The following IBTK variants were observed in gnomAD, a reference collection of about 807,000 sequenced individuals.
IBTK encodes the protein inhibitor of Bruton tyrosine kinase, also known as BTK-binding protein.
IBTK carries 83 observed loss-of-function variants against 154.9 expected under a neutral mutation model. The observed-to-expected ratio is 0.54, with a 90% CI of 0.45 to 0.64. The LOEUF is 0.64. IBTK is among the 30% of genes least tolerant of loss of function. The pLI, the probability that IBTK is intolerant of heterozygous loss-of-function variation, is 0.00. For missense variants in IBTK, 1,332 were observed against 1,584.6 expected (o/e 0.84, Z 2.71); for synonymous variants, 515 against 536.1 (o/e 0.96, Z 0.54).
intron 1 of IBTK, among the ~76,000 whole-genome samples, chr6:82,245,394 C>CA (rs879325393): frequency 1.5e-4 from 23 of 150,260 alleles, no homozygotes; most frequent in South Asian, 6.3e-4. Context: ...GCCATCGCTA[C>CA]AAAAAAAAAT....
At chr6:82,221,441 T>A (rs1770098640) in intron 8 of IBTK, among the ~76,000 whole-genome samples, 1 of 152,182 alleles carries the variant, frequency 6.6e-6, no homozygotes. Flanking sequence ...ATGCTTAATT[T>A]AAAAAATGGC....
At chr6:82,178,065 AC>A (rs1218343137) in intron 26 of IBTK, among the ~76,000 whole-genome samples, 1 of 152,206 alleles carries the variant, frequency 6.6e-6, no homozygotes, top group Non-Finnish European at 1.5e-5. Flanking sequence ...AAAAAAGCAT[AC>A]TTATTATGTT....
At chr6:82,173,248 C>T (rs961702121) in intron 27 of IBTK, 119 bp downstream of exon 27, 39 of 628,342 alleles carry the variant, frequency 6.2e-5, no homozygotes, top group Non-Finnish European at 8.2e-5. Context: ...ATGATCCACC[C>T]GCCTCAGTCT....
At chr6:82,203,589 A>G (rs1769292041) in intron 17 of IBTK, among the ~76,000 whole-genome samples, 1 of 152,158 alleles carries the variant, frequency 6.6e-6, no homozygotes, top group East Asian at 1.9e-4. Context: ...AGAGTTGTTC[A>G]CATGGGAACA....
At chr6:82,181,319 T>G (rs1026646133) in intron 26 of IBTK, among the ~76,000 whole-genome samples, 1 of 152,204 alleles carries the variant, frequency 6.6e-6, no homozygotes, top group Non-Finnish European at 1.5e-5. Flanking sequence ...CACATTGATG[T>G]GGTATACCCA....
At position 82,216,101 on chromosome 6, in the gene IBTK, T is replaced by C. The variant is rs1562094729; in HGVS notation, c.1576A>G (p.Ile526Val). Reference sequence around the variant, plus strand: ...CTTGTTTTAGGATCTGACTGCAGGATTGCAAAGTTGCATCCACTTGGATCT... The same window carrying C: ...CTTGTTTTAGGATCTGACTGCAGGACTGCAAAGTTGCATCCACTTGGATCT... ...STDPSGCNFA[I>V]LQSDPKTSLY... Residue 526 changes from isoleucine (I) to valine (V), a missense_variant, in exon 11 of 29, where the codon ATC becomes GTC. Ile to Val is a conservative substitution (Grantham distance 29). Around this residue, in one of 3 missense-constraint regions of IBTK, gnomAD observed 1,134 missense variants for 1,274.7 expected, o/e 0.89. Coordinates refer to ENST00000306270, the MANE Select transcript of IBTK (RefSeq NM_015525.4). 17 of 1,609,956 alleles carry C rather than the reference T, an allele frequency of 1.1e-5. No homozygotes were observed. The highest frequency in any genetic ancestry group is 1.4e-5 in the Non-Finnish European group (17 of 1,179,060).
At chr6:82,173,265 G>T in intron 27 of IBTK, 102 bp downstream of exon 27, 1 of 763,336 alleles carries the variant, frequency 1.3e-6, no homozygotes, top group Non-Finnish European at 2.2e-6. Context: ...GTCTCCCAGA[G>T]TGCTGGGATT....
rs1195554078 is a variant in IBTK, at chr6:82,245,177, C to T, written c.-358+2385G>A. On this transcript the variant is annotated intron_variant, in intron 1 of 28. Coordinates refer to ENST00000306270, the MANE Select transcript of IBTK (RefSeq NM_015525.4). ...TTATAAACCTATGGTCAAGATAAAA[C>T]AAGTGACACATAGGAACGGGGAGTG... 8.5e-5 allele frequency among the ~76,000 whole-genome samples: 13 copies of T among 152,178 alleles called. No individual in the cohort carries two copies. The East Asian group carries it at 1.5e-3, about 18-fold the overall frequency.
chr6:82,220,359 A>G (rs1400259160), intron 9 of IBTK, among the ~76,000 whole-genome samples: 2 of 152,204 alleles, frequency 1.3e-5, no homozygotes, highest in African/African-American at 4.8e-5. Flanking sequence ...CAGTTTAACA[A>G]ATCAGTATTG....
At chr6:82,244,293 A>T (rs1771062769) in intron 1 of IBTK, among the ~76,000 whole-genome samples, 1 of 152,242 alleles carries the variant, frequency 6.6e-6, no homozygotes, top group Non-Finnish European at 1.5e-5. Context: ...ACTTGTTACC[A>T]CTTCTCCAAA....
chr6:82,179,235 CAA>C (rs1768225594), intron 26 of IBTK, among the ~76,000 whole-genome samples: 1 of 152,072 alleles, frequency 6.6e-6, no homozygotes, highest in Non-Finnish European at 1.5e-5. Flanking sequence ...ATGGAAGTGC[CAA>C]AGACACAAAT....
At chr6:82,208,284 T>TA (rs1301266641) in intron 16 of IBTK, among the ~76,000 whole-genome samples, 1 of 152,034 alleles carries the variant, frequency 6.6e-6, no homozygotes, top group Admixed American at 6.5e-5. Context: ...ACTTGTTAAT[T>TA]ACACCTTAAT....
chr6:82,239,581 A>G (rs1166922937), intron 2 of IBTK, among the ~76,000 whole-genome samples: 1 of 141,474 alleles, frequency 7.1e-6, no homozygotes, highest in Admixed American at 7.1e-5. Context: ...CTTTAAGTTT[A>G]TCCATAAGTA....
intron 9 of IBTK, among the ~76,000 whole-genome samples, chr6:82,219,248 A>T (rs1361800809): frequency 1.3e-5 from 2 of 152,126 alleles, no homozygotes; most frequent in African/African-American, 4.8e-5. Flanking sequence ...CCCACCATCC[A>T]ACAGCTATTC....
chr6:82,186,332 G>T (rs1000967589), intron 25 of IBTK, among the ~76,000 whole-genome samples: 20 of 152,162 alleles, frequency 1.3e-4, no homozygotes. Flanking sequence ...TAAGCTTAGT[G>T]ACGAAAGCAC....
intron 25 of IBTK, among the ~76,000 whole-genome samples, chr6:82,185,676 A>G (rs2127800696): frequency 6.6e-6 from 1 of 152,086 alleles, no homozygotes; most frequent in South Asian, 2.1e-4. Context: ...CAAGTGATAT[A>G]CTGAATTATG....
At chr6:82,236,721 T>C (rs1421162264) in intron 2 of IBTK, among the ~76,000 whole-genome samples, 1 of 152,208 alleles carries the variant, frequency 6.6e-6, no homozygotes, top group Non-Finnish European at 1.5e-5. Context: ...ATGTGTGTGG[T>C]TTCTTCCTGA....
At chr6:82,204,822 A>G in intron 17 of IBTK, 35 bp downstream of exon 17, 1 of 1,274,630 alleles carries the variant, frequency 7.8e-7, no homozygotes, top group Non-Finnish European at 1.1e-6. Context: ...GATGAACCTG[A>G]AAACATATTA....
Position 82,214,549 on chromosome 6 carries a change from A to G in IBTK, c.1882T>C (p.Phe628Leu). 1 of 1,614,098 alleles carries G rather than the reference A, an allele frequency of 6.2e-7. No individual in the cohort carries two copies. Among genetic ancestry groups the G allele is most frequent in the Non-Finnish European group, 8.5e-7 (1 of 1,179,996 alleles). ...TATATAAATTGTAAAAGGTATTCAA[A>G]CATGTCAGGATGAACCTTCTCTACC... is the stretch of plus-strand genomic sequence containing the variant. ...FVVEKVHPDM[F>L]EYLLQFIYTD... The change falls in exon 12 of 29, where the codon TTT (phenylalanine) becomes CTT (leucine). Residue 628 changes from phenylalanine (F) to leucine (L), a missense_variant. Physicochemically the swap from Phe to Leu is conservative, Grantham distance 22. This residue lies in a region of IBTK where 1,134 missense variants were observed against 1,274.7 expected (regional missense o/e 0.89). Transcript: ENST00000306270.
Sources: allele counts gnomAD v4.1 joint callset (sites outside exome capture counted in the v4.1 genomes callset), GRCh38; gene constraint gnomAD v4.1.1; regional missense constraint gnomAD v4.1.1; transcripts MANE v1.5; gene names NCBI Gene and HGNC (gene_info 2026-07-23, HGNC 2026-07-21).